The following CSMD1 variants were observed in gnomAD, a reference collection of about 807,000 sequenced individuals.
CSMD1 encodes CUB and Sushi multiple domains 1, also known as CUB and sushi domain-containing protein 1.
In CSMD1, 213 loss-of-function variants were observed where a neutral mutation model predicts 417.5. The ratio of observed to expected loss-of-function variants is 0.51; its 90% confidence interval spans 0.46 to 0.57. CSMD1 has a LOEUF of 0.57. CSMD1 is among the 20% of genes least tolerant of loss of function. The pLI is 0.00. For missense variants in CSMD1, 6,923 were observed against 4,529.7 expected (o/e 1.53, Z -15.17); for synonymous variants, 2,862 against 1,736.8 (o/e 1.65, Z -16.11).
At chr8:3,778,726 G>T (rs909686238) in intron 5 of CSMD1, among the ~76,000 whole-genome samples, 2 of 152,144 alleles carry the variant, frequency 1.3e-5, no homozygotes, top group African/African-American at 2.4e-5. Context: ...CTTCCTTTCT[G>T]CAGGGCCTTT....
chr8:4,495,631 G>A (rs1801943973), intron 2 of CSMD1, among the ~76,000 whole-genome samples: 1 of 152,052 alleles, frequency 6.6e-6, no homozygotes, highest in South Asian at 2.1e-4. Context: ...AATGTATGCT[G>A]CAGACCTTGT....
chr8:2,995,040 A>G (rs73502858), intron 54 of CSMD1, among the ~76,000 whole-genome samples: 1,966 of 152,290 alleles, frequency 0.013, 43 homozygotes, highest in African/African-American at 0.044. Context: ...ATGACCCAGA[A>G]AAAGAAAAGA....
chr8:4,009,232 G>A (rs1816366132), intron 4 of CSMD1, among the ~76,000 whole-genome samples: 1 of 152,152 alleles, frequency 6.6e-6, no homozygotes, highest in Non-Finnish European at 1.5e-5. Flanking sequence ...AGAATGAACT[G>A]ATTTCTATTT....
chr8:4,056,607 C>T (rs1798705721), intron 3 of CSMD1, among the ~76,000 whole-genome samples: 1 of 151,712 alleles, frequency 6.6e-6, no homozygotes, highest in African/African-American at 2.4e-5. Context: ...CCTATGTATA[C>T]ATGTGCCATG....
intron 26 of CSMD1, among the ~76,000 whole-genome samples, chr8:3,269,961 G>T (rs898114757): frequency 6.6e-6 from 1 of 151,686 alleles, no homozygotes; most frequent in African/African-American, 2.4e-5. Flanking sequence ...CAAAGTTTAG[G>T]TCACAACCCT....
chr8:4,551,621 C>T (rs1422097308), intron 2 of CSMD1, among the ~76,000 whole-genome samples: 1 of 152,116 alleles, frequency 6.6e-6, no homozygotes, highest in Non-Finnish European at 1.5e-5. Context: ...CCAGGCTTCT[C>T]AGTTTAACAT....
chr8:3,567,728 C>T (rs973993151), intron 10 of CSMD1, among the ~76,000 whole-genome samples: 4 of 152,142 alleles, frequency 2.6e-5, no homozygotes, highest in Admixed American at 1.3e-4. Flanking sequence ...CTGGAACGTC[C>T]AACCTTCCTC....
chr8:4,817,665 G>A (rs377548451), intron 1 of CSMD1, among the ~76,000 whole-genome samples: 1 of 152,182 alleles, frequency 6.6e-6, no homozygotes, highest in Non-Finnish European at 1.5e-5. Flanking sequence ...GTATTACAGG[G>A]CAGATGTATC....
chr8:3,544,559 G>T (rs975642240), intron 10 of CSMD1, among the ~76,000 whole-genome samples: 1 of 152,036 alleles, frequency 6.6e-6, no homozygotes, highest in African/African-American at 2.4e-5. Context: ...TCTTGCATGA[G>T]ATCCAAGAAC....
chr8:4,567,772 C>G (rs777898306), intron 2 of CSMD1, among the ~76,000 whole-genome samples: 1 of 151,842 alleles, frequency 6.6e-6, no homozygotes, highest in Non-Finnish European at 1.5e-5. Context: ...TATTGCTGGT[C>G]ATAAAATTAT....
intron 41 of CSMD1, among the ~76,000 whole-genome samples, chr8:3,135,689 C>G (rs1277773398): frequency 6.6e-6 from 1 of 151,824 alleles, no homozygotes. Flanking sequence ...AAAACATGCT[C>G]TTGAGTGAAG....
At chr8:3,505,684 A>T (rs1796794640) in intron 10 of CSMD1, among the ~76,000 whole-genome samples, 3 of 152,332 alleles carry the variant, frequency 2.0e-5, no homozygotes, top group Admixed American at 1.3e-4. Context: ...AAAACCGTAG[A>T]GGTACTGGAC....
chr8:4,870,571 C>T (rs1326364092), intron 1 of CSMD1, among the ~76,000 whole-genome samples: 1 of 152,078 alleles, frequency 6.6e-6, no homozygotes, highest in Non-Finnish European at 1.5e-5. Flanking sequence ...AGCCAGGCTT[C>T]TCTAGAATCA....
chr8:3,146,683 G>A (rs141615755), intron 40 of CSMD1, among the ~76,000 whole-genome samples: 75 of 152,180 alleles, frequency 4.9e-4, no homozygotes, highest in African/African-American at 1.7e-3. Flanking sequence ...TCACTGTCCC[G>A]CAGTAGGTCA....
chr8:4,204,711 G>A (rs901640956), intron 3 of CSMD1, among the ~76,000 whole-genome samples: 12 of 152,104 alleles, frequency 7.9e-5, no homozygotes, highest in African/African-American at 2.9e-4. Context: ...CTGGAATGCA[G>A]CAGTCAGATC....
At chr8:3,819,301 G>A (rs1266453318) in intron 5 of CSMD1, among the ~76,000 whole-genome samples, 3 of 152,100 alleles carry the variant, frequency 2.0e-5, no homozygotes, top group Admixed American at 2.0e-4. Flanking sequence ...ATAAGTCACA[G>A]GAAGCTATGA....
At position 4,772,153 on chromosome 8, in the gene CSMD1, G is replaced by C. The variant is rs934404599; in HGVS notation, c.86-134595C>G. Among the ~76,000 whole-genome samples the C allele has an allele frequency of 9.9e-5, 15 of 152,094 alleles. 1 individual carries two copies. The highest frequency in any genetic ancestry group is 1.3e-4 in the Non-Finnish European group (9 of 68,012). ...CGAGAGCAGAAGTCAGTTCCTTGTGGTGGTAGGGATGAAGTCCTGTTTTCT... is the reference window on the plus strand; with the variant it reads ...CGAGAGCAGAAGTCAGTTCCTTGTGCTGGTAGGGATGAAGTCCTGTTTTCT... On this transcript the variant is annotated intron_variant, in intron 1 of 69. Transcript: ENST00000635120.
intron 25 of CSMD1, among the ~76,000 whole-genome samples, chr8:3,301,916 G>A (rs1014704373): frequency 3.3e-5 from 5 of 152,128 alleles, no homozygotes; most frequent in African/African-American, 4.8e-5. Context: ...AAATGACAGG[G>A]CTTTGTTTTC....
chr8:3,820,953 G>C (rs970249963), intron 5 of CSMD1, among the ~76,000 whole-genome samples: 2 of 151,876 alleles, frequency 1.3e-5, no homozygotes, highest in African/African-American at 2.4e-5. Flanking sequence ...TTTTGCTTTT[G>C]CTGCCCAAGC....
Sources: allele counts gnomAD v4.1 joint callset (sites outside exome capture counted in the v4.1 genomes callset), GRCh38; gene constraint gnomAD v4.1.1; transcripts MANE v1.5; gene names NCBI Gene and HGNC (gene_info 2026-07-23, HGNC 2026-07-21).